Variants in ZBTB43 observed in about 807,000 individuals in gnomAD.
ZBTB43 encodes the protein zinc finger and BTB domain-containing protein 43.
A neutral mutation model predicts 31.1 loss-of-function variants in ZBTB43; 6 were observed. The ratio of observed to expected loss-of-function variants is 0.19; its 90% CI spans 0.11 to 0.38. ZBTB43 has a LOEUF of 0.38. ZBTB43 is among the 10% of genes least tolerant of loss of function. The pLI is 1.00. For synonymous variants in ZBTB43, 212 were observed against 221.7 expected, an observed-to-expected ratio of 0.96 and a Z score of 0.39; for missense variants, 379 against 602.1, an observed-to-expected ratio of 0.63 and a Z score of 3.88.
chr9:126,816,542 C>T (rs376577474), intron 2 of ZBTB43, among the ~76,000 whole-genome samples: 1 of 152,240 alleles, frequency 6.6e-6, no homozygotes, highest in East Asian at 1.9e-4. Context: ...TATCCACAGA[C>T]CTGTGTTGGT....
In ZBTB43 at chr9:126,833,546, G is replaced by C. The variant is rs1279846301; in HGVS notation, c.1037G>C (p.Gly346Ala). The change falls in exon 3 of 3, where the codon GGT becomes GCT. Residue 346 changes from glycine to alanine, a missense_variant. Around this residue, in one of 5 missense-constraint regions of ZBTB43, gnomAD observed 253 missense variants for 322.3 expected, o/e 0.79. Coordinates refer to ENST00000373464, the MANE Select transcript of ZBTB43 (RefSeq NM_014007.4). This position sits in a 1 kb window ranked among gnomAD's most constrained non-coding sequence, Gnocchi z 7.9. ...GHRQEAALAA[G>A]YSENIEMVTG... ...AGACAGGAGGCTGCCCTCGCAGCAGGTTACAGTGAGAATATTGAAATGGTA... is the reference window on the plus strand; with the variant it reads ...AGACAGGAGGCTGCCCTCGCAGCAGCTTACAGTGAGAATATTGAAATGGTA... 6.2e-7 allele frequency: 1 copy of C among 1,614,138 alleles called. No homozygotes were observed. Among genetic ancestry groups the C allele is most frequent in the Non-Finnish European group, 8.5e-7 (1 of 1,180,000 alleles).
chr9:126,825,842 ATTTTTTT>A (rs72512629), intron 2 of ZBTB43, among the ~76,000 whole-genome samples: 1 of 91,202 alleles, frequency 1.1e-5, no homozygotes, highest in Non-Finnish European at 2.3e-5. Context: ...TCCTTTTTAT[ATTTTTTT>A]TTTTTTTTTT....
chr9:126,827,123 T>C (rs1255557960), intron 2 of ZBTB43, among the ~76,000 whole-genome samples: 1 of 152,250 alleles, frequency 6.6e-6, no homozygotes, highest in Non-Finnish European at 1.5e-5. Context: ...TTGTAAAGTC[T>C]GTATTCCTTG....
intron 2 of ZBTB43, among the ~76,000 whole-genome samples, chr9:126,814,286 C>CATCTGTAAAATTTTTACAGATGAAATTTA (rs2032315080): frequency 1.3e-5 from 2 of 150,514 alleles, no homozygotes; most frequent in African/African-American, 2.4e-5. Flanking sequence ...ATGAAATTTA[C>CATCTGTAAAATTTTTACAGATGAAATTTA]ATCTGTAAAA....
intron 2 of ZBTB43, among the ~76,000 whole-genome samples, chr9:126,814,028 GTATA>G (rs2032306456): frequency 6.6e-6 from 1 of 152,106 alleles, no homozygotes; most frequent in African/African-American, 2.4e-5. Context: ...TATTTGTAGA[GTATA>G]TAGGTATTGC....
chr9:126,819,081 C>T (rs1322340739), intron 2 of ZBTB43, among the ~76,000 whole-genome samples: 2 of 151,958 alleles, frequency 1.3e-5, no homozygotes, highest in Non-Finnish European at 2.9e-5. Context: ...TTTCAGTTTT[C>T]TCTCTTATTG....
chr9:126,828,811 C>G (rs1446378034), intron 2 of ZBTB43, among the ~76,000 whole-genome samples: 4 of 151,770 alleles, frequency 2.6e-5, no homozygotes, highest in Admixed American at 2.6e-4. Context: ...AAAATTATCA[C>G]AACGTAGGAT....
At chr9:126,805,373 C>T (rs886351754) in intron 1 of ZBTB43, among the ~76,000 whole-genome samples, 2 of 152,238 alleles carry the variant, frequency 1.3e-5, no homozygotes, top group African/African-American at 2.4e-5. Context: ...GGCAGCTTCT[C>T]GCCCAAGGTC....
At chr9:126,813,575 T>C (rs2119118845) in intron 2 of ZBTB43, among the ~76,000 whole-genome samples, 1 of 152,270 alleles carries the variant, frequency 6.6e-6, no homozygotes, top group East Asian at 1.9e-4. Context: ...GAAATGGCTT[T>C]CTGATGGTAA....
At chr9:126,809,952 A>G (rs543715697) in intron 2 of ZBTB43, among the ~76,000 whole-genome samples, 1 of 150,336 alleles carries the variant, frequency 6.7e-6, no homozygotes, top group East Asian at 2.0e-4. Flanking sequence ...TCTCTGCCTC[A>G]GCCTTCAGAG....
At chr9:126,825,815 A>G (rs1334337545) in intron 2 of ZBTB43, among the ~76,000 whole-genome samples, 1 of 149,640 alleles carries the variant, frequency 6.7e-6, no homozygotes, top group Non-Finnish European at 1.5e-5. Flanking sequence ...TTTCAGCTCC[A>G]GCTTTTTCCA....
At position 126,835,995 on chromosome 9, in the gene ZBTB43, G is replaced by A. The variant is rs1018092827; in HGVS notation, c.*2082G>A. On this transcript the variant is annotated 3_prime_UTR_variant, in exon 3 of 3. Coordinates refer to ENST00000373464, the MANE Select transcript of ZBTB43 (RefSeq NM_014007.4). Reference sequence around the variant, plus strand: ...CTACTAATTTCAGTACTAAGGTGGTGATGCCATTTTGTTCTGCCAAAAACT... The same window carrying A: ...CTACTAATTTCAGTACTAAGGTGGTAATGCCATTTTGTTCTGCCAAAAACT... 2.4e-5 allele frequency: 4 copies of A among 167,056 alleles called. No homozygotes were observed. The highest frequency in any genetic ancestry group is 5.9e-5 in the Non-Finnish European group (4 of 68,120). 10.3% of individuals were successfully genotyped at this position (167,056 alleles called of 1,614,324 possible).
At chr9:126,828,898 G>A (rs2032709535) in intron 2 of ZBTB43, among the ~76,000 whole-genome samples, 1 of 152,062 alleles carries the variant, frequency 6.6e-6, no homozygotes, top group African/African-American at 2.4e-5. Flanking sequence ...AATCAAGGAT[G>A]TGACTGATTT....
chr9:126,813,143 G>A (rs1423063383), intron 2 of ZBTB43, among the ~76,000 whole-genome samples: 1 of 151,918 alleles, frequency 6.6e-6, no homozygotes, highest in African/African-American at 2.4e-5. Context: ...ACCACGCCCG[G>A]CTAACTTTGT....
chr9:126,828,787 A>G (rs1470176531), intron 2 of ZBTB43, among the ~76,000 whole-genome samples: 1 of 151,904 alleles, frequency 6.6e-6, no homozygotes, highest in Admixed American at 6.6e-5. Context: ...AATCTATAAA[A>G]TCAGCTAACT....
rs1263695362 is a variant in ZBTB43, at chr9:126,832,891, A to G, written c.382A>G (p.Thr128Ala). 3 of 1,613,864 alleles carry G rather than the reference A, an allele frequency of 1.9e-6. No homozygotes were observed. The highest frequency in any genetic ancestry group is 2.2e-5 in the East Asian group (1 of 44,884). The change falls in exon 3 of 3, where the codon ACA becomes GCA. Residue 128 changes from threonine to alanine, a missense_variant. Thr to Ala is a moderately conservative substitution (Grantham distance 58). Around this residue, in one of 5 missense-constraint regions of ZBTB43, gnomAD observed 253 missense variants for 322.3 expected, o/e 0.79. Transcript: ENST00000373464. ...KCTEVLEGNP[T>A]VLCQKLNHGS... ...CACTGAAGTTTTAGAGGGAAACCCT[A>G]CAGTCCTTTGTCAGAAGCTAAATCA... is the stretch of plus-strand genomic sequence containing the variant.
chr9:126,811,671 G>A (rs1161479181), intron 2 of ZBTB43, among the ~76,000 whole-genome samples: 1 of 152,022 alleles, frequency 6.6e-6, no homozygotes, highest in Non-Finnish European at 1.5e-5. Flanking sequence ...TGTCGCCCAG[G>A]CTGGAGTGCA....
Position 126,837,534 on chromosome 9 carries a change from G to T in ZBTB43, c.*3621G>T, listed in dbSNP as rs2032907990. 6.0e-6 allele frequency: 1 copy of T among 167,176 alleles called. No homozygotes were observed. The highest frequency in any genetic ancestry group is 2.4e-5 in the African/African-American group (1 of 41,462). 10.4% of individuals were successfully genotyped at this position (167,176 alleles called of 1,614,324 possible). A position where few individuals can be genotyped will look rare whatever the true frequency, so the allele number is the denominator to read the frequency against. ...CTTTCCCTGGGGAAGGGGATGTGCT[G>T]CGGCCTCCTGGGTGGGCGTGGAGAG... On this transcript the variant is annotated 3_prime_UTR_variant, in exon 3 of 3. Transcript: ENST00000373464.
At chr9:126,820,967 CAAAAAA>C (rs36023653) in intron 2 of ZBTB43, among the ~76,000 whole-genome samples, 2 of 83,492 alleles carry the variant, frequency 2.4e-5, no homozygotes, top group African/African-American at 5.6e-5. Flanking sequence ...ACCCCCATCT[CAAAAAA>C]AAAAAAAAAA....
Sources: gnomAD v4.1 joint callset for allele counts (sites outside exome capture counted in the v4.1 genomes callset) on GRCh38, gnomAD v4.1.1 for gene constraint, gnomAD v4.1.1 regional missense constraint, Gnocchi (gnomAD v3.1) non-coding constraint, MANE v1.5 for transcripts, NCBI Gene and HGNC (gene_info 2026-07-23, HGNC 2026-07-21) for gene names.